The following ARB2A variants were observed in gnomAD, a reference collection of about 807,000 sequenced individuals.
The protein encoded by ARB2A is ARB2 cotranscriptional regulator A, also known as cotranscriptional regulator ARB2A.
chr5:93,714,161 T>C, the ARB2A span, among the ~76,000 whole-genome samples: 2 of 152,246 alleles, frequency 1.3e-5, no homozygotes, highest in African/African-American at 4.8e-5. Flanking sequence ...TTTAACAAGC[T>C]GATTACAAAA....
chr5:93,881,490 T>A, the ARB2A span: 2 of 1,610,402 alleles, frequency 1.2e-6, no homozygotes, highest in Non-Finnish European at 1.7e-6. Flanking sequence ...AATTGCATCA[T>A]TTCTTTTTCT....
chr5:93,767,750 T>A, the ARB2A span, among the ~76,000 whole-genome samples: 1 of 151,688 alleles, frequency 6.6e-6, no homozygotes, highest in South Asian at 2.1e-4. Context: ...ATCCCAGGAC[T>A]TTGGGAGGCC....
At chr5:93,684,808 T>C in the ARB2A span, among the ~76,000 whole-genome samples, 2 of 152,134 alleles carry the variant, frequency 1.3e-5, no homozygotes, top group Non-Finnish European at 2.9e-5. Flanking sequence ...CCAAGTCACA[T>C]AGGTAAAAAT....
chr5:93,894,422 G>A, the ARB2A span, among the ~76,000 whole-genome samples: 2 of 151,672 alleles, frequency 1.3e-5, no homozygotes, highest in Non-Finnish European at 2.9e-5. Context: ...AAAAAAAAGA[G>A]AGAATTGCCC....
At chr5:93,677,570 A>T in the ARB2A span, among the ~76,000 whole-genome samples, 1 of 152,232 alleles carries the variant, frequency 6.6e-6, no homozygotes, top group Non-Finnish European at 1.5e-5. Flanking sequence ...CTTTGTGGCC[A>T]GGCAGGCACG....
chr5:93,734,181 G>A, the ARB2A span: 1 of 152,126 alleles, frequency 6.6e-6, no homozygotes, highest in Non-Finnish European at 1.5e-5. Context: ...TTTAATTAAA[G>A]TGCCAAGGAT....
chr5:94,059,690 A>G, the ARB2A span, among the ~76,000 whole-genome samples: 1 of 151,362 alleles, frequency 6.6e-6, no homozygotes, highest in Non-Finnish European at 1.5e-5. Flanking sequence ...GATAATAATG[A>G]CAAAAGACTT....
chr5:93,853,027 G>A, the ARB2A span, among the ~76,000 whole-genome samples: 515 of 152,178 alleles, frequency 3.4e-3, no homozygotes, highest in African/African-American at 0.012. Flanking sequence ...GATGGCATTG[G>A]ATCTATAAAT....
the ARB2A span, chr5:93,618,822 T>C: frequency 6.6e-6 from 1 of 152,374 alleles, no homozygotes; most frequent in East Asian, 1.9e-4. Context: ...TAAATAGTGA[T>C]TTATTCTAGC....
At chr5:93,882,074 T>A in the ARB2A span, among the ~76,000 whole-genome samples, 1 of 151,454 alleles carries the variant, frequency 6.6e-6, no homozygotes, top group African/African-American at 2.4e-5. Context: ...GAAAACAACC[T>A]CTGAAATCAA....
At chr5:94,055,126 G>A in the ARB2A span, among the ~76,000 whole-genome samples, 2 of 152,116 alleles carry the variant, frequency 1.3e-5, no homozygotes. Context: ...TCATCACAGA[G>A]TCATTTAAAA....
At chr5:93,746,147 A>G in the ARB2A span, among the ~76,000 whole-genome samples, 1 of 151,960 alleles carries the variant, frequency 6.6e-6, no homozygotes, top group East Asian at 1.9e-4. Flanking sequence ...GATCTTTACT[A>G]AACTGTATAA....
chr5:93,708,772 T>C, the ARB2A span, among the ~76,000 whole-genome samples: 1 of 152,170 alleles, frequency 6.6e-6, no homozygotes, highest in East Asian at 1.9e-4. Flanking sequence ...CCAAGTCCTG[T>C]CTTCCATAAA....
the ARB2A span, among the ~76,000 whole-genome samples, chr5:94,083,059 T>G: frequency 6.6e-6 from 1 of 152,208 alleles, no homozygotes; most frequent in African/African-American, 2.4e-5. Context: ...TTCTACAAAA[T>G]ATTTTTTTCC....
At chr5:93,744,428 C>CA in the ARB2A span, among the ~76,000 whole-genome samples, 1 of 57,432 alleles carries the variant, frequency 1.7e-5, no homozygotes, top group African/African-American at 1.1e-4. Flanking sequence ...GAGTGAGACT[C>CA]AGTCTCAAAA....
the ARB2A span, among the ~76,000 whole-genome samples, chr5:93,917,296 G>T: frequency 6.6e-6 from 1 of 152,060 alleles, no homozygotes; most frequent in African/African-American, 2.4e-5. Flanking sequence ...ACTCTGTAAA[G>T]GGGCATTATC....
At chr5:93,993,389 T>C in the ARB2A span, among the ~76,000 whole-genome samples, 1 of 152,098 alleles carries the variant, frequency 6.6e-6, no homozygotes, top group African/African-American at 2.4e-5. Flanking sequence ...CTCATTAACT[T>C]GAATCTACGA....
At chr5:93,956,865 T>G in the ARB2A span, among the ~76,000 whole-genome samples, 1 of 152,124 alleles carries the variant, frequency 6.6e-6, no homozygotes, top group Admixed American at 6.6e-5. Context: ...GATTTAAAAG[T>G]GATCTGTTTC....
At chr5:93,619,756 T>C in the ARB2A span, 1 of 152,206 alleles carries the variant, frequency 6.6e-6, no homozygotes, top group African/African-American at 2.4e-5. Flanking sequence ...GTTGGCCACA[T>C]CTTAGCTGGA....
Sources: gnomAD v4.1 joint callset for allele counts (sites outside exome capture counted in the v4.1 genomes callset) on GRCh38, gnomAD v4.1.1 for gene constraint, MANE v1.5 for transcripts, NCBI Gene and HGNC (gene_info 2026-07-23, HGNC 2026-07-21) for gene names.